The following ZNF614 variants were observed in gnomAD, a reference collection of about 807,000 sequenced individuals.
The protein encoded by ZNF614 is zinc finger protein 614.
In ZNF614, 11 loss-of-function variants were observed where a neutral mutation model predicts 12.8. The observed-to-expected ratio is 0.86, with a 90% CI of 0.54 to 1.43. The LOEUF (loss-of-function observed/expected upper bound fraction) is 1.43. Ranked by LOEUF, ZNF614 falls within the 40% of genes most tolerant of loss-of-function variation. The probability of loss-of-function intolerance (pLI) is 0.00; values close to 1 mark genes in which losing one functional copy is unlikely to be tolerated. For synonymous variants in ZNF614, 237 were observed against 237.5 expected, an observed-to-expected ratio of 1.00 and a Z score of 0.02; for missense variants, 664 against 708.8, an observed-to-expected ratio of 0.94 and a Z score of 0.72.
At chr19:52,023,752 CAT>C (rs2086950647) in intron 2 of ZNF614, among the ~76,000 whole-genome samples, 1 of 152,128 alleles carries the variant, frequency 6.6e-6, no homozygotes, top group Non-Finnish European at 1.5e-5. Flanking sequence ...AATAAATATA[CAT>C]TTGGTCTCTG....
At position 52,015,089 on chromosome 19, in the gene ZNF614, C is replaced by T. The variant is rs991259711; in HGVS notation, c.*751G>A. The T allele has an allele frequency of 3.3e-5, 5 of 152,078 alleles. No homozygotes were observed. The highest frequency in any genetic ancestry group is 9.7e-5 in the African/African-American group (4 of 41,394). The allele number at this position is 152,078 out of a possible 1,614,324, so 9.4% of individuals were successfully genotyped here. A position where few individuals can be genotyped will look rare whatever the true frequency, so the allele number is the denominator to read the frequency against. ...CAACTAGAAATGAGGATTAAGGTAT[C>T]CTGACTGAAAATGCACACCAGGTGT... On this transcript the variant is annotated 3_prime_UTR_variant, in exon 5 of 5. Transcript: ENST00000270649.
rs1175648149 is a variant in ZNF614, at chr19:52,014,026, A to T, written c.*1814T>A. 1.3e-5 allele frequency: 2 copies of T among 152,040 alleles called. No individual in the cohort carries two copies. Among genetic ancestry groups the T allele is most frequent in the African/African-American group, 4.8e-5 (2 of 41,394 alleles). The allele number at this position is 152,040 out of a possible 1,614,324, so 9.4% of individuals were successfully genotyped here. ...AAGTTGAAGGTGGTTTTATAAACTG[A>T]TCATCTCTATAATCTTAGTTAAGCA... On this transcript the variant is annotated 3_prime_UTR_variant, in exon 5 of 5. Transcript: ENST00000270649.
intron 2 of ZNF614, among the ~76,000 whole-genome samples, chr19:52,022,652 A>C (rs1337368976): frequency 1.3e-5 from 2 of 151,922 alleles, no homozygotes; most frequent in Non-Finnish European, 2.9e-5. Flanking sequence ...GTCCTGGGCT[A>C]CCAGTATTTC....
chr19:52,017,619 T>C (rs1170637790), intron 4 of ZNF614: 9 of 403,320 alleles, frequency 2.2e-5, no homozygotes, highest in Non-Finnish European at 4.0e-5. Context: ...GAGAATCACT[T>C]GATCCCAGGA....
At chr19:52,022,169 C>A (rs919101979) in intron 2 of ZNF614, among the ~76,000 whole-genome samples, 3 of 152,222 alleles carry the variant, frequency 2.0e-5, no homozygotes, top group African/African-American at 7.2e-5. Flanking sequence ...ACAACCAATT[C>A]TCCAATTATC....
At position 52,018,013 on chromosome 19, in the gene ZNF614, C is replaced by T. The variant is rs760296742; in HGVS notation, c.233G>A (p.Cys78Tyr). ...CCTTGCTGGTTCTCACTTACCTGGACAATTTTTATTCTGAATTTTAGCATC... is the reference window on the plus strand; with the variant it reads ...CCTTGCTGGTTCTCACTTACCTGGATAATTTTTATTCTGAATTTTAGCATC... ...TTDAKIQNKNCPGIGKVDSHL... is the reference protein window; with the variant it reads ...TTDAKIQNKNYPGIGKVDSHL... Residue 78 changes from cysteine to tyrosine, a missense_variant, in exon 4 of 5, where the codon TGT becomes TAT. Transcript: ENST00000270649. The T allele has an allele frequency of 3.1e-6, 5 of 1,613,488 alleles. No homozygotes were observed. The highest frequency in any genetic ancestry group is 4.2e-6 in the Non-Finnish European group (5 of 1,179,612).
In ZNF614 at chr19:52,016,562, T is replaced by C. The variant is rs200239212; in HGVS notation, c.1036A>G (p.Ser346Gly). Reference protein sequence around the residue: ...THTGEKPYICSECGKGFTMKR... With the variant: ...THTGEKPYICGECGKGFTMKR... ...ATGGTGAAGCCTTTTCCACATTCACTGCATATATAGGGTTTCTCCCCTGTA... is the reference window on the plus strand; with the variant it reads ...ATGGTGAAGCCTTTTCCACATTCACCGCATATATAGGGTTTCTCCCCTGTA... Residue 346 changes from serine (S) to glycine (G), a missense_variant, in exon 5 of 5, where the codon AGT (serine) becomes GGT (glycine). By Grantham distance (56) the Ser-to-Gly change is moderately conservative. Transcript: ENST00000270649. 504 of 1,614,182 alleles carry C rather than the reference T, an allele frequency of 3.1e-4. No individual in the cohort carries two copies. The highest frequency in any genetic ancestry group is 3.8e-4 in the South Asian group (35 of 91,086).
At position 52,016,879 on chromosome 19, in the gene ZNF614, A is replaced by G; in HGVS notation, c.719T>C (p.Leu240Ser). The change falls in exon 5 of 5, where the codon TTA becomes TCA. Residue 240 changes from leucine to serine, a missense_variant. Leu to Ser is a moderately radical substitution (Grantham distance 145). Transcript: ENST00000270649. ...ENPGSGQCEKLSRSVLFTKHL... is the reference protein window; with the variant it reads ...ENPGSGQCEKSSRSVLFTKHL... ...CTTAGTGAACAGGACACTTCTGGAT[A>G]ATTTCTCACATTGACCACTTCCAGG... The G allele has an allele frequency of 1.2e-6, 2 of 1,614,130 alleles. No individual in the cohort carries two copies. Among genetic ancestry groups the G allele is most frequent in the East Asian group, 2.2e-5 (1 of 44,878 alleles).
At chr19:52,021,366 AT>A (rs35777799) in intron 2 of ZNF614, among the ~76,000 whole-genome samples, 9 of 147,012 alleles carry the variant, frequency 6.1e-5, no homozygotes, top group South Asian at 2.1e-4. Context: ...AAAGTGTGAG[AT>A]TTTTTTTTTT....
chr19:52,019,396 C>A (rs944092861), intron 2 of ZNF614, among the ~76,000 whole-genome samples: 1 of 152,126 alleles, frequency 6.6e-6, no homozygotes, highest in Admixed American at 6.5e-5. Context: ...AATAGAGAAG[C>A]AATATCTATT....
chr19:52,020,150 A>C (rs2086924681), intron 2 of ZNF614, among the ~76,000 whole-genome samples: 1 of 152,174 alleles, frequency 6.6e-6, no homozygotes, highest in Admixed American at 6.5e-5. Flanking sequence ...GGGTTAGGCC[A>C]AACTTCCCAG....
At chr19:52,017,876 A>C in intron 4 of ZNF614, 132 bp downstream of exon 4, 2 of 613,638 alleles carry the variant, frequency 3.3e-6, no homozygotes, top group East Asian at 2.8e-5. Context: ...GCATTAAAAA[A>C]GTTATCAGAT....
At position 52,016,483 on chromosome 19, in the gene ZNF614, A is replaced by G. The variant is rs368406499; in HGVS notation, c.1115T>C (p.Met372Thr). 12 of 1,613,744 alleles carry G rather than the reference A, an allele frequency of 7.4e-6. No homozygotes were observed. Among genetic ancestry groups the G allele is most frequent in the Non-Finnish European group, 1.0e-5 (12 of 1,179,900 alleles). The change falls in exon 5 of 5, where the codon ATG (methionine) becomes ACG (threonine). Residue 372 changes from methionine (M) to threonine (T), a missense_variant. Coordinates refer to ENST00000270649, the MANE Select transcript of ZNF614 (RefSeq NM_025040.4). ...AAAGCCTTTTCCACATTCACTGCAC[A>G]TATAGGGTTTCTCTCCAGTATGAGT... is the stretch of plus-strand genomic sequence containing the variant. ...QRTHTGEKPY[M>T]CSECGKGFTV...
At chr19:52,021,110 C>CA (rs1416912976) in intron 2 of ZNF614, among the ~76,000 whole-genome samples, 2 of 151,762 alleles carry the variant, frequency 1.3e-5, no homozygotes, top group African/African-American at 4.8e-5. Context: ...GTGCATGTGA[C>CA]AAAAAACTAA....
rs2086913620 is a variant in ZNF614, at chr19:52,018,368, C to A, written c.142G>T (p.Gly48Trp). Residue 48 changes from glycine (G) to tryptophan (W), a missense_variant and splice_region_variant, in exon 3 of 5, where the codon GGG (glycine) becomes TGG (tryptophan). Transcript: ENST00000270649. ...GGTGACACAGGGAAACTATTCTTAC[C>A]CAGTGATACTAGGTGGTTATAGTTC... is the stretch of plus-strand genomic sequence containing the variant. The part of the protein sequence containing the change: ...VENYNHLVSL[G>W]YQTSKPDVLS... The A allele has an allele frequency of 1.9e-6, 3 of 1,614,010 alleles. No individual in the cohort carries two copies. The highest frequency in any genetic ancestry group is 1.7e-4 in the Middle Eastern group (1 of 6,036).
chr19:52,021,565 T>G (rs527384650), intron 2 of ZNF614, among the ~76,000 whole-genome samples: 2 of 152,182 alleles, frequency 1.3e-5, no homozygotes, highest in Non-Finnish European at 2.9e-5. Flanking sequence ...AGTGAGACTC[T>G]GTCTCTATTC....
chr19:52,025,140 A>T (rs370284090), intron 2 of ZNF614, among the ~76,000 whole-genome samples: 15 of 152,254 alleles, frequency 9.9e-5, no homozygotes, highest in African/African-American at 2.6e-4. Flanking sequence ...TAGTAATTTT[A>T]AAAAAGTTGG....
At chr19:52,017,881 T>C (rs1173919874) in intron 4 of ZNF614, 127 bp downstream of exon 4, 2 of 621,204 alleles carry the variant, frequency 3.2e-6, no homozygotes, top group Admixed American at 3.0e-5. Flanking sequence ...AAAAAAGTTA[T>C]CAGATGGGGA....
chr19:52,020,027 C>T (rs542791974), intron 2 of ZNF614, among the ~76,000 whole-genome samples: 1 of 152,324 alleles, frequency 6.6e-6, no homozygotes, highest in East Asian at 1.9e-4. Flanking sequence ...ATTTCTACCT[C>T]ACTCCACAGT....
Sources: allele counts gnomAD v4.1 joint callset (sites outside exome capture counted in the v4.1 genomes callset), GRCh38; gene constraint gnomAD v4.1.1; transcripts MANE v1.5; gene names NCBI Gene and HGNC (gene_info 2026-07-23, HGNC 2026-07-21).